Variants in KCNH1 observed in about 807,000 individuals in gnomAD.
KCNH1 encodes voltage-gated delayed rectifier potassium channel KCNH1.
Under a neutral mutation model 69.2 loss-of-function variants are expected in KCNH1, and 27 were observed. The ratio of observed to expected loss-of-function variants is 0.39; its 90% CI spans 0.29 to 0.54. The LOEUF is 0.54. Among genes scored for constraint, KCNH1 ranks in the 20% least tolerant of loss-of-function variants. The pLI is 0.68. For missense variants in KCNH1, 798 were observed against 1,261.6 expected (o/e 0.63, Z 5.57); for synonymous variants, 456 against 487.7 (o/e 0.93, Z 0.86).
chr1:210,932,609 A>G (rs1346861836), intron 6 of KCNH1, among the ~76,000 whole-genome samples: 1 of 152,150 alleles, frequency 6.6e-6, no homozygotes, highest in Non-Finnish European at 1.5e-5. Context: ...TGCTACCTAA[A>G]AGAAACTCAC....
intron 7 of KCNH1, among the ~76,000 whole-genome samples, chr1:210,804,474 G>A (rs568305010): frequency 3.7e-4 from 57 of 152,330 alleles, no homozygotes; most frequent in Non-Finnish European, 6.5e-4. Context: ...AGTGGGTTGC[G>A]GGGGCGGGGT....
At chr1:211,111,003 C>T (rs1412071285) in intron 1 of KCNH1, among the ~76,000 whole-genome samples, 1 of 152,062 alleles carries the variant, frequency 6.6e-6, no homozygotes, top group African/African-American at 2.4e-5. Context: ...ATTTACATTA[C>T]ATTACAAGCT....
intron 10 of KCNH1, among the ~76,000 whole-genome samples, chr1:210,717,802 G>A (rs763571388): frequency 6.6e-6 from 1 of 152,104 alleles, no homozygotes; most frequent in African/African-American, 2.4e-5. Flanking sequence ...CATTTAAAAA[G>A]TCAAAAGAAA....
intron 7 of KCNH1, among the ~76,000 whole-genome samples, chr1:210,814,689 CAATT>C (rs750782514): frequency 4.1e-4 from 62 of 152,240 alleles, no homozygotes; most frequent in Non-Finnish European, 4.0e-4. Flanking sequence ...TGGGAATAGT[CAATT>C]AATTAACATG....
intron 10 of KCNH1, among the ~76,000 whole-genome samples, chr1:210,731,789 C>T (rs1010277633): frequency 6.6e-6 from 1 of 152,140 alleles, no homozygotes; most frequent in Non-Finnish European, 1.5e-5. Context: ...CAAACCATTA[C>T]CTGAATAAAC....
intron 5 of KCNH1, among the ~76,000 whole-genome samples, chr1:211,059,301 A>G (rs1690378178): frequency 6.6e-6 from 1 of 151,644 alleles, no homozygotes; most frequent in African/African-American, 2.4e-5. Flanking sequence ...AAATAGAGAG[A>G]GAGAGACAGA....
At chr1:210,719,117 A>T (rs181576604) in intron 10 of KCNH1, among the ~76,000 whole-genome samples, 1 of 152,294 alleles carries the variant, frequency 6.6e-6, no homozygotes, top group East Asian at 1.9e-4. Context: ...AAATTAAATA[A>T]AATTAACAAG....
intron 7 of KCNH1, among the ~76,000 whole-genome samples, chr1:210,822,191 T>G (rs1408019708): frequency 6.6e-6 from 1 of 151,770 alleles, no homozygotes; most frequent in Non-Finnish European, 1.5e-5. Flanking sequence ...GGGCATGCAT[T>G]GGGCCCAGAG....
intron 6 of KCNH1, among the ~76,000 whole-genome samples, chr1:210,966,851 C>A (rs552520756): frequency 6.6e-6 from 1 of 152,292 alleles, no homozygotes; most frequent in Admixed American, 6.5e-5. Flanking sequence ...TTTGACCCAG[C>A]AATTCCATTA....
chr1:210,859,290 G>A (rs1685922713), intron 7 of KCNH1: 2 of 1,571,144 alleles, frequency 1.3e-6, no homozygotes, highest in Non-Finnish European at 1.8e-6. Flanking sequence ...GCTCTTCTTT[G>A]ATTGGCCAGA....
chr1:211,085,719 A>T (rs1690940920), intron 4 of KCNH1, among the ~76,000 whole-genome samples: 2 of 152,216 alleles, frequency 1.3e-5, no homozygotes, highest in Admixed American at 6.5e-5. Flanking sequence ...GAGATTAAAA[A>T]CATAGGAAGA....
At chr1:210,991,681 T>C (rs1688941440) in intron 6 of KCNH1, among the ~76,000 whole-genome samples, 1 of 152,030 alleles carries the variant, frequency 6.6e-6, no homozygotes. Flanking sequence ...TTACATATGT[T>C]AATTAGCTTG....
chr1:211,110,248 A>G (rs1443232840), intron 1 of KCNH1, among the ~76,000 whole-genome samples: 1 of 152,188 alleles, frequency 6.6e-6, no homozygotes, highest in Non-Finnish European at 1.5e-5. Flanking sequence ...GTGTACCAGC[A>G]AAATGAGGGA....
chr1:210,689,713 G>A (rs1681487840), intron 10 of KCNH1, among the ~76,000 whole-genome samples: 1 of 152,240 alleles, frequency 6.6e-6, no homozygotes, highest in African/African-American at 2.4e-5. Flanking sequence ...CCACTGACCA[G>A]TCACTGTGTG....
intron 7 of KCNH1, among the ~76,000 whole-genome samples, chr1:210,829,662 A>G (rs1685116786): frequency 6.6e-6 from 1 of 151,952 alleles, no homozygotes; most frequent in African/African-American, 2.4e-5. Context: ...GTACAGGAAG[A>G]CTCTTCCCCC....
intron 1 of KCNH1, among the ~76,000 whole-genome samples, chr1:211,120,990 T>A (rs2102497442): frequency 6.6e-6 from 1 of 152,210 alleles, no homozygotes; most frequent in East Asian, 1.9e-4. Context: ...GTGAAGGACC[T>A]CTTCAAGGAG....
intron 7 of KCNH1, among the ~76,000 whole-genome samples, chr1:210,894,285 A>G (rs1392990227): frequency 1.3e-5 from 2 of 152,180 alleles, no homozygotes; most frequent in African/African-American, 4.8e-5. Flanking sequence ...GTGGACCCAG[A>G]GCATTATTTA....
At chr1:210,775,025 T>C (rs1226089560) in intron 10 of KCNH1, among the ~76,000 whole-genome samples, 1 of 152,118 alleles carries the variant, frequency 6.6e-6, no homozygotes, top group African/African-American at 2.4e-5. Flanking sequence ...TGTTGCTGAC[T>C]AGCAACCTCA....
intron 6 of KCNH1, among the ~76,000 whole-genome samples, chr1:210,991,528 G>A (rs571267200): frequency 6.6e-6 from 1 of 151,856 alleles, no homozygotes; most frequent in African/African-American, 2.4e-5. Context: ...AAGTTTTAGT[G>A]ATCTATTGCT....
Sources: gnomAD v4.1 joint callset for allele counts (sites outside exome capture counted in the v4.1 genomes callset) on GRCh38, gnomAD v4.1.1 for gene constraint, MANE v1.5 for transcripts, NCBI Gene and HGNC (gene_info 2026-07-23, HGNC 2026-07-21) for gene names.